The following SYT6 variants were observed in gnomAD, a reference collection of about 807,000 sequenced individuals.
SYT6 encodes synaptotagmin-6.
In SYT6, 24 loss-of-function variants were observed where a neutral mutation model predicts 38.4. The observed-to-expected ratio is 0.62, with a 90% CI of 0.45 to 0.88. SYT6 has a LOEUF of 0.88. Ranked by LOEUF, SYT6 falls within the 40% of genes least tolerant of loss-of-function variation. SYT6 has a pLI of 0.00. For synonymous variants in SYT6, 265 were observed against 241.9 expected (o/e 1.10, Z -0.89); for missense variants, 611 against 621.0 (o/e 0.98, Z 0.17).
intron 3 of SYT6, among the ~76,000 whole-genome samples, chr1:114,131,002 G>A (rs575758658): frequency 3.0e-4 from 45 of 152,268 alleles, no homozygotes; most frequent in Non-Finnish European, 6.0e-4. Flanking sequence ...GATCTCATTC[G>A]ACTTGAGTGT....
chr1:114,099,046 G>C (rs780428964), intron 5 of SYT6, 48 bp downstream of exon 5: 12 of 1,560,808 alleles, frequency 7.7e-6, no homozygotes, highest in Non-Finnish European at 1.0e-5. Context: ...GCTGGTGCTG[G>C]AGTGGGAGTG....
chr1:114,115,927 C>G (rs910652832), intron 3 of SYT6, among the ~76,000 whole-genome samples: 1 of 152,126 alleles, frequency 6.6e-6, no homozygotes, highest in Non-Finnish European at 1.5e-5. Flanking sequence ...ATGCTCCACC[C>G]CACTCCACCC....
intron 3 of SYT6, among the ~76,000 whole-genome samples, chr1:114,116,092 T>C (rs550648133): frequency 6.6e-6 from 1 of 152,288 alleles, no homozygotes; most frequent in South Asian, 2.1e-4. Flanking sequence ...CACCTGCCTC[T>C]CTTGAAAGAA....
At position 114,139,684 on chromosome 1, in the gene SYT6, G is replaced by A. The variant is rs753862280; in HGVS notation, c.443C>T (p.Ser148Leu). Residue 148 changes from serine to leucine, a missense_variant, in exon 2 of 8, where the codon TCG becomes TTG. By Grantham distance (145) the Ser-to-Leu change is moderately radical (BLOSUM62 -2). Coordinates refer to ENST00000610222, the MANE Select transcript of SYT6 (RefSeq NM_001253772.2). The part of the protein sequence containing the change: ...SPDIPAEVQM[S>L]VKEHIMRHTR... ...GTGACGCATGATGTGCTCCTTGACC[G>A]ACATCTGCACCTCAGCTGGGATATC... The A allele has an allele frequency of 5.6e-6, 9 of 1,614,174 alleles. No individual in the cohort carries two copies. The highest frequency in any genetic ancestry group is 5.5e-5 in the South Asian group (5 of 91,086).
chr1:114,134,902 T>C (rs898007819), intron 3 of SYT6, among the ~76,000 whole-genome samples: 1 of 152,184 alleles, frequency 6.6e-6, no homozygotes, highest in Non-Finnish European at 1.5e-5. Flanking sequence ...CTGGTGACTG[T>C]GATGACTTGG....
intron 1 of SYT6, among the ~76,000 whole-genome samples, chr1:114,141,662 T>A (rs1463842392): frequency 6.6e-6 from 1 of 152,186 alleles, no homozygotes; most frequent in African/African-American, 2.4e-5. Flanking sequence ...AGAAATAGCC[T>A]TATATTGGAA....
intron 3 of SYT6, among the ~76,000 whole-genome samples, chr1:114,106,918 C>T (rs1020121286): frequency 6.6e-6 from 1 of 152,182 alleles, no homozygotes; most frequent in Admixed American, 6.5e-5. Context: ...TCAGCATGCC[C>T]AGCAGGACAC....
chr1:114,139,200 T>C (rs1341954290), intron 2 of SYT6, among the ~76,000 whole-genome samples: 1 of 152,240 alleles, frequency 6.6e-6, no homozygotes, highest in Non-Finnish European at 1.5e-5. Flanking sequence ...CCTTGCCTTA[T>C]CTGCCATGTA....
intron 3 of SYT6, among the ~76,000 whole-genome samples, chr1:114,133,526 C>G (rs1445062385): frequency 6.6e-6 from 1 of 152,166 alleles, no homozygotes; most frequent in Non-Finnish European, 1.5e-5. Context: ...AATTGAAGCT[C>G]TGGTTGGAGA....
intron 1 of SYT6, among the ~76,000 whole-genome samples, chr1:114,151,456 G>A (rs376981050): frequency 1.8e-4 from 27 of 152,082 alleles, no homozygotes; most frequent in Admixed American, 5.2e-4. Context: ...GGCCATCCAG[G>A]CACCTGTCAT....
intron 3 of SYT6, among the ~76,000 whole-genome samples, chr1:114,129,363 G>A (rs1050280822): frequency 2.0e-5 from 3 of 152,082 alleles, no homozygotes; most frequent in African/African-American, 7.2e-5. Context: ...ATCAGCTGCA[G>A]TGATCCTTTT....
Position 114,103,102 on chromosome 1 carries a change from T to G in SYT6, c.1192+499A>C, listed in dbSNP as rs564199224. Among the ~76,000 whole-genome samples, 3 of 152,352 alleles carry G rather than the reference T, an allele frequency of 2.0e-5. No individual in the cohort carries two copies. The South Asian group carries it at 6.2e-4, about 32-fold the overall frequency. ...CAAAGCCTCAAATACAAATGCATTT[T>G]GCTTTTCAGTGGATTTGTTTCCTTG... On this transcript the variant is annotated intron_variant, in intron 4 of 7. Coordinates refer to ENST00000610222, the MANE Select transcript of SYT6 (RefSeq NM_001253772.2).
rs548097692 is a variant in SYT6 at position 114,118,911 on chromosome 1, G to A, written c.1072-15190C>T. On this transcript the variant is annotated intron_variant, in intron 3 of 7. Coordinates refer to ENST00000610222, the MANE Select transcript of SYT6 (RefSeq NM_001253772.2). ...AGGCCCCTTTCTTCCAGGTCCAGCA[G>A]CGAGAAATCACAGATTCCTGGACCT... 2.0e-5 allele frequency among the ~76,000 whole-genome samples: 3 copies of A among 152,316 alleles called. No individual in the cohort carries two copies. The South Asian group carries it at 6.2e-4, about 32-fold the overall frequency.
At chr1:114,132,566 C>T (rs1678220106) in intron 3 of SYT6, among the ~76,000 whole-genome samples, 2 of 152,128 alleles carry the variant, frequency 1.3e-5, no homozygotes, top group Non-Finnish European at 2.9e-5. Flanking sequence ...GAAAATGCAG[C>T]CCAGAGATGG....
chr1:114,091,707 C>T lies in SYT6; in HGVS notation c.*427G>A. 3.9e-6 allele frequency: 1 copy of T among 254,930 alleles called. No homozygotes were observed. Among genetic ancestry groups the T allele is most frequent in the Non-Finnish European group, 7.4e-6 (1 of 135,514 alleles). The allele number at this position is 254,930 out of a possible 1,614,324, so 15.8% of individuals were successfully genotyped here. On this transcript the variant is annotated 3_prime_UTR_variant, in exon 8 of 8. Coordinates refer to ENST00000610222, the MANE Select transcript of SYT6 (RefSeq NM_001253772.2). The stretch of plus-strand genomic sequence containing the variant: ...AAACTGTACCTTGTATTTTCTAGAA[C>T]CAACTTCTGGGCTTTCCACCCTTTG...
In SYT6 at chr1:114,139,574, G is replaced by T. The variant is rs761196360; in HGVS notation, c.512+41C>A. 1.9e-6 allele frequency: 3 copies of T among 1,611,980 alleles called. No individual in the cohort carries two copies. The South Asian group carries it at 3.3e-5, about 18-fold the overall frequency. The stretch of plus-strand genomic sequence containing the variant: ...TCCCATAGATGTATTAAGGGAGTGT[G>T]GAGGTGTGGGGGTCAGGGAAGGGAG... On this transcript the variant is annotated intron_variant, in intron 2 of 7. Coordinates refer to ENST00000610222, the MANE Select transcript of SYT6 (RefSeq NM_001253772.2).
At chr1:114,129,243 A>G (rs1342676521) in intron 3 of SYT6, among the ~76,000 whole-genome samples, 1 of 152,232 alleles carries the variant, frequency 6.6e-6, no homozygotes, top group East Asian at 1.9e-4. Context: ...CATCTTACAT[A>G]TCTACCACCA....
intron 2 of SYT6, among the ~76,000 whole-genome samples, chr1:114,138,305 A>G (rs959604600): frequency 1.3e-5 from 2 of 152,188 alleles, no homozygotes; most frequent in African/African-American, 4.8e-5. Context: ...AACTTTAGCC[A>G]TTGTTATCAT....
Position 114,138,109 on chromosome 1 carries a change from G to A in SYT6, c.513-56C>T, listed in dbSNP as rs573449817. Reference sequence around the variant, plus strand: ...TGTGGTCAGGGCTCAGGGGAAGGGGGATGAAGGCAAACACGAGCCTGGAGG... The same window carrying A: ...TGTGGTCAGGGCTCAGGGGAAGGGGAATGAAGGCAAACACGAGCCTGGAGG... On this transcript the variant is annotated intron_variant, in intron 2 of 7. Coordinates refer to ENST00000610222, the MANE Select transcript of SYT6 (RefSeq NM_001253772.2). 20 of 1,523,614 alleles carry A rather than the reference G, an allele frequency of 1.3e-5. No homozygotes were observed. The East Asian group carries it at 4.2e-4, about 32-fold the overall frequency. 94.4% of individuals were successfully genotyped at this position (1,523,614 alleles called of 1,614,324 possible).
Sources: allele counts gnomAD v4.1 joint callset (sites outside exome capture counted in the v4.1 genomes callset), GRCh38; gene constraint gnomAD v4.1.1; transcripts MANE v1.5; gene names NCBI Gene and HGNC (gene_info 2026-07-23, HGNC 2026-07-21).